Variants in NDUFS4 observed in about 807,000 individuals in gnomAD.
The protein encoded by NDUFS4 is NADH:ubiquinone oxidoreductase subunit S4, also known as NADH dehydrogenase [ubiquinone] iron-sulfur protein 4, mitochondrial.
In NDUFS4, 28 loss-of-function variants were observed where a neutral mutation model predicts 24.3. The observed-to-expected ratio is 1.15, with a 90% CI of 0.85 to 1.58. The LOEUF is 1.58. NDUFS4 is among the 40% of genes most tolerant of loss of function. The pLI is 0.00. For synonymous variants in NDUFS4, 93 were observed against 69.7 expected (o/e 1.34, Z -1.67); for missense variants, 223 against 207.9 (o/e 1.07, Z -0.45).
At chr5:53,655,003 A>G (rs1430719398) in intron 3 of NDUFS4, among the ~76,000 whole-genome samples, 2 of 152,218 alleles carry the variant, frequency 1.3e-5, no homozygotes, top group Non-Finnish European at 2.9e-5. Flanking sequence ...TTATGAAACA[A>G]TTTTTGATAT....
chr5:53,657,773 A>C (rs1275825444), intron 3 of NDUFS4, among the ~76,000 whole-genome samples: 1 of 151,964 alleles, frequency 6.6e-6, no homozygotes, highest in Non-Finnish European at 1.5e-5. Context: ...AAAAATACAC[A>C]AATTAGCCAG....
intron 4 of NDUFS4, among the ~76,000 whole-genome samples, chr5:53,668,516 T>G (rs922108524): frequency 2.6e-5 from 4 of 151,798 alleles, no homozygotes; most frequent in Admixed American, 6.6e-5. Context: ...TGGAGTGCAA[T>G]GGCATGATCT....
chr5:53,562,783 A>C (rs1748889629), intron 1 of NDUFS4, among the ~76,000 whole-genome samples: 1 of 152,206 alleles, frequency 6.6e-6, no homozygotes, highest in African/African-American at 2.4e-5. Context: ...GAAAAAGGTG[A>C]GTAGAAAGAA....
intron 1 of NDUFS4, among the ~76,000 whole-genome samples, chr5:53,575,977 T>C (rs979135387): frequency 1.3e-5 from 2 of 152,132 alleles, no homozygotes; most frequent in Admixed American, 1.3e-4. Context: ...ATCATGACTT[T>C]TATTTAAAGA....
intron 2 of NDUFS4, among the ~76,000 whole-genome samples, chr5:53,609,059 T>G (rs1314457893): frequency 6.6e-6 from 1 of 152,196 alleles, no homozygotes; most frequent in African/African-American, 2.4e-5. Flanking sequence ...TCTCCCAGTT[T>G]AAGGTTTTGG....
At chr5:53,680,796 GTAAC>G (rs1237567716) in intron 4 of NDUFS4, among the ~76,000 whole-genome samples, 1 of 152,064 alleles carries the variant, frequency 6.6e-6, no homozygotes, top group Non-Finnish European at 1.5e-5. Flanking sequence ...GTATACATAT[GTAAC>G]TAACCTGCAC....
At chr5:53,644,007 G>C (rs1222716260) in intron 2 of NDUFS4, among the ~76,000 whole-genome samples, 2 of 152,110 alleles carry the variant, frequency 1.3e-5, no homozygotes, top group Non-Finnish European at 2.9e-5. Flanking sequence ...ACATTGTGTA[G>C]ACACTTTTTA....
At chr5:53,594,848 A>T (rs1750083378) in intron 1 of NDUFS4, among the ~76,000 whole-genome samples, 1 of 149,050 alleles carries the variant, frequency 6.7e-6, no homozygotes, top group Admixed American at 6.8e-5. Flanking sequence ...CATACATTGC[A>T]TTTGTATATA....
intron 4 of NDUFS4, among the ~76,000 whole-genome samples, chr5:53,677,637 T>A (rs928372417): frequency 6.6e-6 from 1 of 152,204 alleles, no homozygotes; most frequent in Non-Finnish European, 1.5e-5. Context: ...AGGGTTATGC[T>A]CCGCTTTCAG....
chr5:53,673,278 A>G (rs1740341230), intron 4 of NDUFS4, among the ~76,000 whole-genome samples: 1 of 152,094 alleles, frequency 6.6e-6, no homozygotes, highest in African/African-American at 2.4e-5. Context: ...AAATAAACCT[A>G]ATTATTTTTT....
chr5:53,624,409 G>A (rs913372439), intron 2 of NDUFS4, among the ~76,000 whole-genome samples: 13 of 152,156 alleles, frequency 8.5e-5, no homozygotes, highest in Non-Finnish European at 1.8e-4. Context: ...CATTGAATCT[G>A]TAGATTGATT....
At chr5:53,659,092 T>A (rs1293198995) in intron 4 of NDUFS4, among the ~76,000 whole-genome samples, 2 of 151,206 alleles carry the variant, frequency 1.3e-5, no homozygotes, top group Non-Finnish European at 2.9e-5. Context: ...AAATTTCCCT[T>A]CAGTCTAAAT....
chr5:53,678,316 G>A (rs188238755), intron 4 of NDUFS4, among the ~76,000 whole-genome samples: 3 of 152,226 alleles, frequency 2.0e-5, no homozygotes, highest in Admixed American at 6.5e-5. Context: ...TTGTGAAAGC[G>A]TTTCAGTGTG....
chr5:53,582,162 G>C (rs1204354333), intron 1 of NDUFS4, among the ~76,000 whole-genome samples: 1 of 151,652 alleles, frequency 6.6e-6, no homozygotes, highest in Non-Finnish European at 1.5e-5. Context: ...AGTGAGCCGA[G>C]ATCGCGCCAC....
intron 2 of NDUFS4, among the ~76,000 whole-genome samples, chr5:53,642,124 A>G (rs183481163): frequency 6.6e-6 from 1 of 152,278 alleles, no homozygotes; most frequent in African/African-American, 2.4e-5. Context: ...TCTCTTCATG[A>G]CAAGTGTAAA....
intron 2 of NDUFS4, chr5:53,604,803 CA>C (rs1351379089): frequency 4.4e-6 from 2 of 456,278 alleles, no homozygotes; most frequent in Non-Finnish European, 8.8e-6. Flanking sequence ...TTTCCTGCTT[CA>C]AGGCATTTGG....
At chr5:53,585,845 A>G (rs1209140618) in intron 1 of NDUFS4, among the ~76,000 whole-genome samples, 1 of 151,228 alleles carries the variant, frequency 6.6e-6, no homozygotes, top group Non-Finnish European at 1.5e-5. Context: ...TTTTATGCAT[A>G]TGTTTTTTGT....
At chr5:53,671,883 CCT>C (rs533019366) in intron 4 of NDUFS4, among the ~76,000 whole-genome samples, 29 of 152,054 alleles carry the variant, frequency 1.9e-4, no homozygotes, top group Admixed American at 4.6e-4. Context: ...CATTTTACCC[CCT>C]GTGTTTTTCT....
chr5:53,600,822 T>C (rs11748505), intron 1 of NDUFS4, among the ~76,000 whole-genome samples: 2,851 of 152,300 alleles, frequency 0.019, 39 homozygotes, highest in Middle Eastern at 0.041. Context: ...AAATAATTAT[T>C]GTTTTACATA....
Sources: gnomAD v4.1 joint callset for allele counts (sites outside exome capture counted in the v4.1 genomes callset) on GRCh38, gnomAD v4.1.1 for gene constraint, MANE v1.5 for transcripts, NCBI Gene and HGNC (gene_info 2026-07-23, HGNC 2026-07-21) for gene names.